Variants in ARHGEF4 observed in about 807,000 individuals in gnomAD.
The protein encoded by ARHGEF4 is Rho guanine nucleotide exchange factor 4.
Under a neutral mutation model 162.0 loss-of-function variants are expected in ARHGEF4, and 119 were observed. The ratio of observed to expected loss-of-function variants is 0.73; its 90% CI spans 0.63 to 0.86. The LOEUF (loss-of-function observed/expected upper bound fraction) is 0.86. Among genes scored for constraint, ARHGEF4 ranks in the 40% least tolerant of loss-of-function variants. The pLI is 0.00. For missense variants in ARHGEF4, 2,488 were observed against 2,456.0 expected (o/e 1.01, Z -0.28); for synonymous variants, 1,014 against 979.9 (o/e 1.03, Z -0.65).
At chr2:130,957,306 C>T (rs6751250) in intron 4 of ARHGEF4, among the ~76,000 whole-genome samples, 1 of 151,218 alleles carries the variant, frequency 6.6e-6, no homozygotes. Flanking sequence ...AAGGAATAAA[C>T]TTCTGATACA....
At chr2:130,908,837 T>C (rs1480015334) in intron 1 of ARHGEF4, among the ~76,000 whole-genome samples, 4 of 152,064 alleles carry the variant, frequency 2.6e-5, no homozygotes, top group Admixed American at 2.0e-4. Context: ...TACAACTCAA[T>C]AGTAAGAACA....
chr2:130,963,334 G>C (rs1327434153), intron 4 of ARHGEF4, among the ~76,000 whole-genome samples: 1 of 152,046 alleles, frequency 6.6e-6, no homozygotes, highest in Non-Finnish European at 1.5e-5. Context: ...TCCCGTCTGA[G>C]CGCGCTCCCC....
chr2:131,000,790 G>A (rs1687708732), intron 4 of ARHGEF4, among the ~76,000 whole-genome samples: 1 of 151,998 alleles, frequency 6.6e-6, no homozygotes, highest in African/African-American at 2.4e-5. Context: ...TTTAAAATAA[G>A]TAGAGAAAGG....
chr2:131,038,785 G>C, intron 5 of ARHGEF4, 68 bp from the exon 6 acceptor site: 1 of 1,509,400 alleles, frequency 6.6e-7, no homozygotes, highest in Non-Finnish European at 8.9e-7. Flanking sequence ...TGAGGGAGTG[G>C]AGACAGAGAG....
chr2:131,040,414 G>A lies in ARHGEF4; in HGVS notation c.4636G>A (p.Glu1546Lys). ...RFNRERPHLS[E>K]LGACFLEHQA... ...CAACCGCGAGCGCCCACACCTGAGC[G>A]AGCTGGGTGCCTGCTTCCTGGAGCA... The change falls in exon 8 of 14, where the codon GAG becomes AAG. Residue 1546 changes from glutamate to lysine, a missense_variant. By Grantham distance (56) the Glu-to-Lys change is moderately conservative (BLOSUM62 1). Transcript: ENST00000409359. 1 of 1,601,028 alleles carries A rather than the reference G, an allele frequency of 6.2e-7. No individual in the cohort carries two copies. The highest frequency in any genetic ancestry group is 1.1e-5 in the South Asian group (1 of 89,448).
At chr2:131,032,460 G>A (rs73000359) in intron 5 of ARHGEF4, among the ~76,000 whole-genome samples, 6,245 of 152,002 alleles carry the variant, frequency 0.041, 186 homozygotes, top group South Asian at 0.14. Context: ...CCCCAGGGAG[G>A]AGCCTGATGG....
intron 4 of ARHGEF4, among the ~76,000 whole-genome samples, chr2:130,986,568 C>T (rs962330683): frequency 2.0e-5 from 3 of 152,166 alleles, no homozygotes; most frequent in Admixed American, 6.5e-5. Context: ...AAGGGATCTG[C>T]GCCGCCTGGT....
At chr2:130,865,847 T>C (rs948731192) in intron 1 of ARHGEF4, among the ~76,000 whole-genome samples, 1 of 152,098 alleles carries the variant, frequency 6.6e-6, no homozygotes, top group African/African-American at 2.4e-5. Flanking sequence ...GTCCTTTACT[T>C]GAGTGTGGGC....
chr2:130,885,564 C>CTTTTTTTTTTT (rs961513941), intron 1 of ARHGEF4, among the ~76,000 whole-genome samples: 3 of 100,430 alleles, frequency 3.0e-5, no homozygotes, highest in African/African-American at 4.1e-5. Context: ...TTTTCTTATT[C>CTTTTTTTTTTT]TTTTTTTTTT....
At chr2:130,907,595 C>G (rs754869191) in intron 1 of ARHGEF4, among the ~76,000 whole-genome samples, 6 of 152,062 alleles carry the variant, frequency 3.9e-5, no homozygotes, top group Non-Finnish European at 8.8e-5. Flanking sequence ...CATTCAACTG[C>G]TGAAGGACAT....
intron 3 of ARHGEF4, among the ~76,000 whole-genome samples, chr2:130,942,933 A>G (rs1351309952): frequency 1.3e-5 from 2 of 152,170 alleles, no homozygotes; most frequent in African/African-American, 4.8e-5. Context: ...TTGGATGGCT[A>G]TTCTACAAAT....
intron 5 of ARHGEF4, among the ~76,000 whole-genome samples, chr2:131,030,812 A>C (rs1007157517): frequency 3.3e-5 from 5 of 152,218 alleles, no homozygotes; most frequent in Admixed American, 2.0e-4. Flanking sequence ...CTTGCACTGC[A>C]GACTCAGGAA....
intron 4 of ARHGEF4, among the ~76,000 whole-genome samples, chr2:130,965,798 C>G (rs1684962569): frequency 6.6e-6 from 1 of 152,090 alleles, no homozygotes; most frequent in Admixed American, 6.5e-5. Flanking sequence ...ATTAGGCAGC[C>G]CAGGGACACA....
At chr2:130,958,570 T>G (rs903822420) in intron 4 of ARHGEF4, among the ~76,000 whole-genome samples, 1 of 151,840 alleles carries the variant, frequency 6.6e-6, no homozygotes, top group Non-Finnish European at 1.5e-5. Flanking sequence ...CCACCATGCC[T>G]GGCTAATTTT....
At chr2:130,989,189 A>G (rs1209776366) in intron 4 of ARHGEF4, among the ~76,000 whole-genome samples, 4 of 151,986 alleles carry the variant, frequency 2.6e-5, no homozygotes, top group African/African-American at 9.7e-5. Context: ...TCGAACTCCT[A>G]ACCTCAGGTG....
In ARHGEF4 at chr2:130,914,441, G is replaced by T; in HGVS notation, c.495G>T (p.Ala165=). The T allele has an allele frequency of 7.0e-7, 1 of 1,435,724 alleles. No individual in the cohort carries two copies. Among genetic ancestry groups the T allele is most frequent in the South Asian group, 1.5e-5 (1 of 66,658 alleles). The allele number at this position is 1,435,724 out of a possible 1,614,324, so 88.9% of individuals were successfully genotyped here. The part of the protein sequence containing the change: ...EQEAGHLWDC[A]TSLERESLLA... ...AGGCAGGACACCTCTGGGACTGCGC[G>T]ACCAGCCTGGAGCGAGAGTCTTTGC... Residue 165 remains alanine, a synonymous_variant, in exon 2 of 14, where the codon GCG becomes GCT. Coordinates refer to ENST00000409359, the MANE Select transcript of ARHGEF4 (RefSeq NM_001367493.1).
chr2:131,035,146 C>T, intron 5 of ARHGEF4: 1 of 1,205,200 alleles, frequency 8.3e-7, no homozygotes, highest in Non-Finnish European at 1.0e-6. Flanking sequence ...GAACGCCCTG[C>T]GCGCCCTGCT....
intron 4 of ARHGEF4, among the ~76,000 whole-genome samples, chr2:131,021,225 A>G (rs1689105513): frequency 6.6e-6 from 1 of 152,184 alleles, no homozygotes; most frequent in Non-Finnish European, 1.5e-5. Flanking sequence ...CCTGACTTCA[A>G]ACTATACTAC....
chr2:130,967,967 A>G (rs1389081099), intron 4 of ARHGEF4, among the ~76,000 whole-genome samples: 2 of 152,194 alleles, frequency 1.3e-5, no homozygotes, highest in Non-Finnish European at 2.9e-5. Context: ...ATTGCCAACC[A>G]GATAAGTTCC....
Sources: gnomAD v4.1 joint callset for allele counts (sites outside exome capture counted in the v4.1 genomes callset) on GRCh38, gnomAD v4.1.1 for gene constraint, MANE v1.5 for transcripts, NCBI Gene and HGNC (gene_info 2026-07-23, HGNC 2026-07-21) for gene names.